SPAG16: variants seen among roughly 807,000 people sequenced by gnomAD.
SPAG16 encodes sperm associated antigen 16.
In SPAG16, 86 loss-of-function variants were observed where a neutral mutation model predicts 80.4. That is an observed-to-expected ratio of 1.07 (90% CI 0.90 to 1.28). The LOEUF is 1.28. Ranked by LOEUF, SPAG16 falls within the 50% of genes most tolerant of loss-of-function variation. SPAG16 has a pLI of 0.00. For missense variants in SPAG16, 870 were observed against 765.3 expected, an observed-to-expected ratio of 1.14 and a Z score of -1.61; for synonymous variants, 294 against 265.9, an observed-to-expected ratio of 1.11 and a Z score of -1.03.
chr2:213,560,177 A>G lies in SPAG16; in HGVS notation c.1070+70087A>G, dbSNP rs2059559436. On this transcript the variant is annotated intron_variant, in intron 10 of 15. Transcript: ENST00000331683. ...TTTTATTAAGAAGCCTCCATAGAAG[A>G]AAAGGAATGCTTAATAGGTTTGTGG... Among the ~76,000 whole-genome samples, 4 of 152,252 alleles carry G rather than the reference A, an allele frequency of 2.6e-5. No individual in the cohort carries two copies. In the South Asian group the frequency reaches 8.3e-4, roughly 31 times the overall value.
At chr2:213,944,702 A>G (rs764432171) in intron 12 of SPAG16, among the ~76,000 whole-genome samples, 3 of 152,076 alleles carry the variant, frequency 2.0e-5, no homozygotes, top group Non-Finnish European at 4.4e-5. Context: ...GCTATGGGCT[A>G]TATGTTTGTG....
At chr2:214,160,333 T>TC (rs1285496242) in intron 15 of SPAG16, among the ~76,000 whole-genome samples, 1 of 151,642 alleles carries the variant, frequency 6.6e-6, no homozygotes, top group Admixed American at 6.6e-5. Context: ...TTGATTTTTT[T>TC]CTTGTATTTA....
rs536834172 is a variant in SPAG16 at position 213,468,369 on chromosome 2, C to A, written c.943-21594C>A. 7.9e-4 allele frequency among the ~76,000 whole-genome samples: 115 copies of A among 144,892 alleles called. 2 individuals are homozygous for A. Among genetic ancestry groups the A allele is most frequent in the Admixed American group, 4.4e-3 (63 of 14,252 alleles). On this transcript the variant is annotated intron_variant, in intron 9 of 15. Coordinates refer to ENST00000331683, the MANE Select transcript of SPAG16 (RefSeq NM_024532.5). ...ACTAATAGGAGATATATATATATAT[C>A]TCTCTCTATATATATAGATATATAT...
intron 9 of SPAG16, among the ~76,000 whole-genome samples, chr2:213,472,091 G>A (rs547435904): frequency 1.5e-4 from 23 of 152,182 alleles, no homozygotes; most frequent in Non-Finnish European, 3.2e-4. Context: ...ATGAACGAGT[G>A]TGACATCTTG....
intron 15 of SPAG16, among the ~76,000 whole-genome samples, chr2:214,153,427 C>G (rs1023828715): frequency 6.6e-6 from 1 of 152,102 alleles, no homozygotes; most frequent in Non-Finnish European, 1.5e-5. Context: ...ATAATCATAT[C>G]TAAGATCTAT....
chr2:214,112,450 C>T (rs2053715538), intron 14 of SPAG16, among the ~76,000 whole-genome samples: 1 of 152,024 alleles, frequency 6.6e-6, no homozygotes, highest in Admixed American at 6.6e-5. Context: ...GAGTCTAAGT[C>T]TTTTTGTGGG....
chr2:213,306,408 C>T (rs1238287358), intron 3 of SPAG16, among the ~76,000 whole-genome samples: 3 of 324 alleles, frequency 9.3e-3, no homozygotes, highest in African/African-American at 0.016. Flanking sequence ...AGGAGTCTCT[C>T]GGGGTTAGGG....
At chr2:213,775,489 G>C (rs2069515789) in intron 10 of SPAG16, among the ~76,000 whole-genome samples, 1 of 152,036 alleles carries the variant, frequency 6.6e-6, no homozygotes, top group South Asian at 2.1e-4. Context: ...CTTAACATAA[G>C]ATCTATCTAC....
rs1216458912 is a variant in SPAG16, at chr2:213,563,228, CTGAT to C, written c.1070+73141_1070+73144del. The stretch of plus-strand genomic sequence containing the variant: ...TTTACTTTCTGTGAACTCTTAATAT[CTGAT>C]TGCTTCTTTTAAATGACAGATTTTT... On this transcript the variant is annotated intron_variant, in intron 10 of 15. Coordinates refer to ENST00000331683, the MANE Select transcript of SPAG16 (RefSeq NM_024532.5). 5.3e-5 allele frequency among the ~76,000 whole-genome samples: 8 copies of C among 152,186 alleles called. No homozygotes were observed. In the East Asian group the frequency reaches 1.2e-3, roughly 22 times the overall value.
chr2:214,066,031 C>T (rs1310834042), intron 13 of SPAG16, among the ~76,000 whole-genome samples: 1 of 152,146 alleles, frequency 6.6e-6, no homozygotes, highest in Admixed American at 6.6e-5. Flanking sequence ...ATGAAATCAC[C>T]TTCAAATTAT....
intron 10 of SPAG16, among the ~76,000 whole-genome samples, chr2:213,836,253 A>AT (rs141599785): frequency 0.22 from 31,933 of 147,748 alleles, 3,877 homozygotes; most frequent in South Asian, 0.35. Flanking sequence ...ACTTCTTATA[A>AT]TTTTTTTTCC....
At chr2:213,644,694 G>C (rs1197703178) in intron 10 of SPAG16, among the ~76,000 whole-genome samples, 1 of 152,166 alleles carries the variant, frequency 6.6e-6, no homozygotes, top group African/African-American at 2.4e-5. Flanking sequence ...CTCTCAGTCA[G>C]TCTCTTTCTC....
intron 12 of SPAG16, among the ~76,000 whole-genome samples, chr2:213,938,662 TAAA>T (rs998140916): frequency 6.6e-6 from 1 of 151,818 alleles, no homozygotes; most frequent in African/African-American, 2.4e-5. Context: ...TTAATTTAAA[TAAA>T]AATTTAAGAT....
chr2:214,005,785 A>G lies in SPAG16; in HGVS notation c.1401-8166A>G, dbSNP rs1029557649. Among the ~76,000 whole-genome samples, 10 of 152,348 alleles carry G rather than the reference A, an allele frequency of 6.6e-5. No individual in the cohort carries two copies. In the East Asian group the frequency reaches 1.9e-3, roughly 29 times the overall value. ...AGTAAAATTTGGGTGTCACTCGAGG[A>G]CTTTGCCTGGCTAAGGTGCAAAATT... On this transcript the variant is annotated intron_variant, in intron 12 of 15. Coordinates refer to ENST00000331683, the MANE Select transcript of SPAG16 (RefSeq NM_024532.5).
intron 9 of SPAG16, among the ~76,000 whole-genome samples, chr2:213,391,255 G>T (rs1329007627): frequency 6.6e-6 from 1 of 152,062 alleles, no homozygotes. Context: ...GCGATGGAGC[G>T]AGACTCCGTT....
chr2:214,202,424 CTG>C (rs2058034780), intron 15 of SPAG16, among the ~76,000 whole-genome samples: 1 of 152,116 alleles, frequency 6.6e-6, no homozygotes, highest in East Asian at 1.9e-4. Context: ...CTCAGTCTGT[CTG>C]TGTTCCTAGA....
At chr2:213,472,791 C>T (rs1285853981) in intron 9 of SPAG16, among the ~76,000 whole-genome samples, 4 of 152,196 alleles carry the variant, frequency 2.6e-5, no homozygotes, top group Non-Finnish European at 5.9e-5. Context: ...ACCACAGTGA[C>T]ATTTTGGGTC....
chr2:213,882,155 C>A (rs905357297), intron 11 of SPAG16, among the ~76,000 whole-genome samples: 1 of 152,152 alleles, frequency 6.6e-6, no homozygotes, highest in African/African-American at 2.4e-5. Flanking sequence ...CATGTTGAAT[C>A]AGCCTTGCAT....
At chr2:213,882,510 A>G (rs1280416822) in intron 11 of SPAG16, among the ~76,000 whole-genome samples, 1 of 152,040 alleles carries the variant, frequency 6.6e-6, no homozygotes, top group Non-Finnish European at 1.5e-5. Flanking sequence ...TCAGGATTTT[A>G]ATCTGTTCCT....
Sources: allele counts gnomAD v4.1 joint callset (sites outside exome capture counted in the v4.1 genomes callset), GRCh38; gene constraint gnomAD v4.1.1; transcripts MANE v1.5; gene names NCBI Gene and HGNC (gene_info 2026-07-23, HGNC 2026-07-21).